The following TRAK1 variants were observed in gnomAD, a reference collection of about 807,000 sequenced individuals.
TRAK1 encodes trafficking kinesin protein 1.
In TRAK1, 33 loss-of-function variants were observed where a neutral mutation model predicts 92.1. That is an observed-to-expected ratio of 0.36 (90% CI 0.27 to 0.48). The LOEUF (loss-of-function observed/expected upper bound fraction) is 0.48. Ranked by LOEUF, TRAK1 falls within the 20% of genes least tolerant of loss-of-function variation. TRAK1 has a pLI of 0.99. For missense variants in TRAK1, 1,123 were observed against 1,257.9 expected (o/e 0.89, Z 1.62); for synonymous variants, 521 against 517.3 (o/e 1.01, Z -0.10).
At chr3:42,072,362 T>C (rs1365834213) in intron 1 of TRAK1, among the ~76,000 whole-genome samples, 1 of 150,758 alleles carries the variant, frequency 6.6e-6, no homozygotes, top group African/African-American at 2.5e-5. Flanking sequence ...ACTTGCTTTG[T>C]GCCGGAAAGC....
rs145953745 is a variant in TRAK1 at position 42,196,956 on chromosome 3, CCTCTCT to C, written c.1113+2030_1113+2035del. On this transcript the variant is annotated intron_variant, in intron 10 of 15. Transcript: ENST00000327628. ...CTGAACTAATTTCTCTCTCCTTTCT[CCTCTCT>C]CTCTCTCTCTCTCTTTCTCTTTCTC... Among the ~76,000 whole-genome samples the C allele has an allele frequency of 4.1e-4, 59 of 143,602 alleles. No homozygotes were observed. The East Asian group carries it at 0.01, about 25-fold the overall frequency. The allele number at this position is 143,602 out of a possible 152,430, so 94.2% of individuals were successfully genotyped here.
Position 42,048,315 on chromosome 3 carries a change from A to T in TRAK1, c.-519+34198A>T, listed in dbSNP as rs79187440. 4.4e-3 allele frequency among the ~76,000 whole-genome samples: 671 copies of T among 152,276 alleles called. 3 individuals carry two copies. Among genetic ancestry groups the T allele is most frequent in the African/African-American group, 0.015 (643 of 41,556 alleles). Reference sequence around the variant, plus strand: ...CACAAAACTAAAGTTTTGGGATTACAGGCATGAGCCACCACAGTGCCCAAG... The same window carrying T: ...CACAAAACTAAAGTTTTGGGATTACTGGCATGAGCCACCACAGTGCCCAAG... On this transcript the variant is annotated intron_variant, in intron 1 of 16. Transcript: ENST00000487159.
chr3:42,210,619 C>A lies in TRAK1; in HGVS notation c.1963+634C>A, dbSNP rs545390568. Reference sequence around the variant, plus strand: ...ACCTGTACGCTGTATTAAAATAGAACCAGGAAAGGCTCAGGATTTCAGACA... The same window carrying A: ...ACCTGTACGCTGTATTAAAATAGAAACAGGAAAGGCTCAGGATTTCAGACA... On this transcript the variant is annotated intron_variant, in intron 14 of 15. Transcript: ENST00000327628. The A allele has an allele frequency of 3.3e-5, 34 of 1,015,780 alleles. No homozygotes were observed. The Admixed American group carries it at 4.1e-4, about 12-fold the overall frequency. The allele number at this position is 1,015,780 out of a possible 1,614,324, so 62.9% of individuals were successfully genotyped here.
chr3:42,070,727 C>A (rs1355033952), intron 1 of TRAK1, among the ~76,000 whole-genome samples: 1 of 152,228 alleles, frequency 6.6e-6, no homozygotes, highest in African/African-American at 2.4e-5. Context: ...CCATGCCCAG[C>A]ACTGAATTGT....
intron 1 of TRAK1, among the ~76,000 whole-genome samples, chr3:42,053,395 T>G (rs1357326705): frequency 4.7e-3 from 229 of 49,064 alleles, no homozygotes; most frequent in Non-Finnish European, 5.4e-3. Context: ...GGGCGGGGGA[T>G]GGCAAAGGGG....
intron 4 of TRAK1, among the ~76,000 whole-genome samples, chr3:42,187,464 A>G (rs903295006): frequency 1.3e-5 from 2 of 152,220 alleles, no homozygotes; most frequent in Admixed American, 6.5e-5. Flanking sequence ...CCCCACAAGC[A>G]TCATTCTTTT....
rs1057216565 is a variant in TRAK1, at chr3:42,195,018, A to G, written c.1113+77A>G. ...GAGCACAGTGTCTGACATTCTGGCC[A>G]CTGGAGTTGGGTGTTCACAGTTCGC... On this transcript the variant is annotated intron_variant, in intron 10 of 15. Transcript: ENST00000327628. 42 of 1,555,722 alleles carry G rather than the reference A, an allele frequency of 2.7e-5. No homozygotes were observed. The East Asian group carries it at 9.8e-4, about 36-fold the overall frequency.
intron 1 of TRAK1, among the ~76,000 whole-genome samples, chr3:42,031,556 C>T (rs962419023): frequency 2.0e-5 from 3 of 151,894 alleles, no homozygotes; most frequent in Non-Finnish European, 2.9e-5. Flanking sequence ...TCACTTGAGC[C>T]CAGGAATTTG....
intron 14 of TRAK1, chr3:42,211,721 TAGAG>T: frequency 9.1e-6 from 9 of 985,320 alleles, no homozygotes; most frequent in Non-Finnish European, 1.1e-5. Context: ...CCTTGGAGGA[TAGAG>T]AGAGAGAAGG....
At chr3:42,077,655 A>G (rs1418559607) in intron 1 of TRAK1, among the ~76,000 whole-genome samples, 1 of 152,028 alleles carries the variant, frequency 6.6e-6, no homozygotes, top group East Asian at 1.9e-4. Flanking sequence ...CATTGTAGAG[A>G]TCTTTCACCT....
At chr3:42,176,954 T>G (rs948312826) in intron 3 of TRAK1, 64 bp downstream of exon 3, 4 of 1,429,980 alleles carry the variant, frequency 2.8e-6, no homozygotes, top group Non-Finnish European at 3.9e-6. Context: ...GGATACTGAT[T>G]AAAGCATGCC....
intron 1 of TRAK1, among the ~76,000 whole-genome samples, chr3:42,106,107 T>A (rs1707525227): frequency 6.6e-6 from 1 of 152,156 alleles, no homozygotes; most frequent in Non-Finnish European, 1.5e-5. Context: ...AGAAACTGCA[T>A]CAACTAACGA....
intron 2 of TRAK1, chr3:42,151,257 G>A (rs571109383): frequency 2.3e-5 from 10 of 437,056 alleles, no homozygotes; most frequent in African/African-American, 8.2e-5. Flanking sequence ...AAAGCCAGTC[G>A]CTTGCCATGG....
chr3:42,087,753 C>T (rs1212977389), upstream of TRAK1, among the ~76,000 whole-genome samples: 1 of 152,218 alleles, frequency 6.6e-6, no homozygotes, highest in Non-Finnish European at 1.5e-5. Context: ...TCTTTGCACT[C>T]AGCTTCTTCA....
At chr3:42,064,225 A>C (rs1430868949) in intron 1 of TRAK1, among the ~76,000 whole-genome samples, 1 of 152,142 alleles carries the variant, frequency 6.6e-6, no homozygotes. Flanking sequence ...AGCACATTTC[A>C]AGCCTAGGTG....
At chr3:42,017,232 G>C (rs1701560872) in intron 1 of TRAK1, among the ~76,000 whole-genome samples, 1 of 152,198 alleles carries the variant, frequency 6.6e-6, no homozygotes, top group Non-Finnish European at 1.5e-5. Context: ...TTGCACTCCT[G>C]CCTGGGCGAC....
intron 1 of TRAK1, among the ~76,000 whole-genome samples, chr3:42,080,311 G>C (rs971237586): frequency 6.6e-6 from 1 of 152,078 alleles, no homozygotes; most frequent in Admixed American, 6.5e-5. Context: ...GAAGAGTGGG[G>C]CAGGGGACCT....
At chr3:42,069,955 G>T (rs1258364213) in intron 1 of TRAK1, among the ~76,000 whole-genome samples, 1 of 151,704 alleles carries the variant, frequency 6.6e-6, no homozygotes, top group Non-Finnish European at 1.5e-5. Flanking sequence ...GGGTTCAAGC[G>T]ATTCTCCAGC....
Position 42,191,624 on chromosome 3 carries a change from G to C in TRAK1, c.757G>C (p.Val253Leu), listed in dbSNP as rs751771575. Residue 253 changes from valine (V) to leucine (L), a missense_variant, in exon 7 of 16, where the codon GTG becomes CTG. Coordinates refer to ENST00000327628, the MANE Select transcript of TRAK1 (RefSeq NM_001042646.3). ...EKEQQLVNDC[V>L]KELRDANVQI... Reference sequence around the variant, plus strand: ...GGAGCAGCAGCTGGTCAATGACTGCGTGAAGGAGCTGAGTATGTCCCCGCA... The same window carrying C: ...GGAGCAGCAGCTGGTCAATGACTGCCTGAAGGAGCTGAGTATGTCCCCGCA... The C allele has an allele frequency of 1.2e-6, 2 of 1,601,980 alleles. No individual in the cohort carries two copies. Among genetic ancestry groups the C allele is most frequent in the Non-Finnish European group, 8.5e-7 (1 of 1,174,146 alleles).
Sources: gnomAD v4.1 joint callset for allele counts (sites outside exome capture counted in the v4.1 genomes callset) on GRCh38, gnomAD v4.1.1 for gene constraint, MANE v1.5 for transcripts, NCBI Gene and HGNC (gene_info 2026-07-23, HGNC 2026-07-21) for gene names.